NUDC: variants seen among roughly 807,000 people sequenced by gnomAD.
NUDC encodes nuclear migration protein nudC.
NUDC carries 14 observed loss-of-function variants against 45.0 expected under a neutral mutation model. The observed-to-expected ratio is 0.31, with a 90% CI of 0.21 to 0.49. NUDC has a LOEUF of 0.49. Ranked by LOEUF, NUDC falls within the 20% of genes least tolerant of loss-of-function variation. The probability of loss-of-function intolerance (pLI) is 0.99; values close to 1 mark genes in which losing one functional copy is unlikely to be tolerated. For missense variants in NUDC, 323 were observed against 426.2 expected, an observed-to-expected ratio of 0.76 and a Z score of 2.13; for synonymous variants, 153 against 156.7, an observed-to-expected ratio of 0.98 and a Z score of 0.17.
chr1:26,907,241 C>T (rs900232569), intron 2 of NUDC, among the ~76,000 whole-genome samples: 2 of 152,300 alleles, frequency 1.3e-5, no homozygotes, highest in East Asian at 3.9e-4. Flanking sequence ...TTCTCTTTAG[C>T]TCAAACCAGT....
chr1:26,905,175 T>G (rs1275233256), intron 2 of NUDC, among the ~76,000 whole-genome samples: 3 of 141,966 alleles, frequency 2.1e-5, no homozygotes, highest in Non-Finnish European at 4.6e-5. Context: ...TTTTTTTTTT[T>G]TTTGAGACAG....
chr1:26,920,121 A>G (rs1384789268), upstream of NUDC, among the ~76,000 whole-genome samples: 1 of 152,196 alleles, frequency 6.6e-6, no homozygotes, highest in Non-Finnish European at 1.5e-5. Context: ...GCACCTGAGA[A>G]GTTGAGTAAG....
At chr1:26,911,593 C>G in intron 3 of NUDC, 1 of 529,760 alleles carries the variant, frequency 1.9e-6, no homozygotes, top group South Asian at 2.0e-5. Flanking sequence ...ATTCTCATCC[C>G]AAGAAGGGAC....
At chr1:26,911,210 T>C (rs1312134827) in exon 3 of NUDC, 5 of 468,004 alleles carry the variant, frequency 1.1e-5, no homozygotes, top group Non-Finnish European at 1.3e-5. Flanking sequence ...TGCTTCCTGA[T>C]TGGCTGTGAT....
Position 26,942,661 on chromosome 1 carries a change from A to T in NUDC, c.431A>T (p.Asp144Val). The change falls in exon 5 of 9, where the codon GAT (aspartate) becomes GTT (valine). Residue 144 changes from aspartate (D) to valine (V), a missense_variant and splice_region_variant. Asp to Val is a radical substitution (Grantham distance 152). Coordinates refer to ENST00000321265, the MANE Select transcript of NUDC (RefSeq NM_006600.4). ...NGSLDSPGKQ[D>V]TEEDEEEDEK... ...CTGAGTGTCCCTGATTGTAAGCAGG[A>T]TACTGAGGAAGATGAGGAGGAAGAT... 6.2e-7 allele frequency: 1 copy of T among 1,614,132 alleles called. No individual in the cohort carries two copies. Among genetic ancestry groups the T allele is most frequent in the Non-Finnish European group, 8.5e-7 (1 of 1,180,014 alleles).
In NUDC at chr1:26,924,314, T is replaced by C. The variant is rs572690187; in HGVS notation, c.159+148T>C. 6.9e-6 allele frequency: 5 copies of C among 725,596 alleles called. No individual in the cohort carries two copies. In the Admixed American group the frequency reaches 1.0e-4, roughly 15 times the overall value. 44.9% of individuals were successfully genotyped at this position (725,596 alleles called of 1,614,324 possible). On this transcript the variant is annotated intron_variant, in intron 2 of 8. Coordinates refer to ENST00000321265, the MANE Select transcript of NUDC (RefSeq NM_006600.4). ...GGGAAGGGAAGGAAGCTGTCATTTCTTCAAGCTCCACTCCTTGCTCAGCCC... is the reference window on the plus strand; with the variant it reads ...GGGAAGGGAAGGAAGCTGTCATTTCCTCAAGCTCCACTCCTTGCTCAGCCC...
chr1:26,906,215 G>A (rs563498145), intron 2 of NUDC, among the ~76,000 whole-genome samples: 7 of 151,654 alleles, frequency 4.6e-5, no homozygotes, highest in Admixed American at 4.6e-4. Context: ...GGAGGTGGAG[G>A]TTGCGGTGAG....
chr1:26,927,750 G>A (rs946276630), intron 2 of NUDC, among the ~76,000 whole-genome samples: 2 of 151,912 alleles, frequency 1.3e-5, no homozygotes, highest in African/African-American at 2.4e-5. Flanking sequence ...AGGATGTTAC[G>A]AGGATTTAAA....
chr1:26,934,118 A>T (rs946181030), intron 2 of NUDC, among the ~76,000 whole-genome samples: 2 of 152,128 alleles, frequency 1.3e-5, no homozygotes, highest in Non-Finnish European at 2.9e-5. Flanking sequence ...GTGCTATGGC[A>T]CTCCAGCCTG....
At chr1:26,918,027 T>C (rs1430278317), upstream of NUDC, among the ~76,000 whole-genome samples, 1 of 152,136 alleles carries the variant, frequency 6.6e-6, no homozygotes, top group East Asian at 1.9e-4. Context: ...TTTCTATAAT[T>C]ATACATACTA....
At position 26,946,835 on chromosome 1, in the gene NUDC, G is replaced by C. The variant is rs2082320638; in HGVS notation, c.*654G>C. On this transcript the variant is annotated 3_prime_UTR_variant, in exon 9 of 9. Coordinates refer to ENST00000321265, the MANE Select transcript of NUDC (RefSeq NM_006600.4). ...CTACTTCACTCCAGCATGGGTGACAGAGACTCCATCTCAAAAAAATAAATA... is the reference window on the plus strand; with the variant it reads ...CTACTTCACTCCAGCATGGGTGACACAGACTCCATCTCAAAAAAATAAATA... The C allele has an allele frequency of 6.4e-6, 1 of 155,818 alleles. No individual in the cohort carries two copies. The highest frequency in any genetic ancestry group is 1.9e-4 in the East Asian group (1 of 5,232). The allele number at this position is 155,818 out of a possible 1,614,324, so 9.7% of individuals were successfully genotyped here. A position where few individuals can be genotyped will look rare whatever the true frequency, so the allele number is the denominator to read the frequency against.
At chr1:26,902,103 A>G (rs2081982053) in intron 1 of NUDC, among the ~76,000 whole-genome samples, 3 of 152,192 alleles carry the variant, frequency 2.0e-5, no homozygotes, top group Admixed American at 2.0e-4. Context: ...GCATATTGCA[A>G]AAAAACATCC....
At position 26,921,838 on chromosome 1, in the gene NUDC, G is replaced by T; in HGVS notation, c.-11G>T. 3 of 1,551,026 alleles carry T rather than the reference G, an allele frequency of 1.9e-6. No homozygotes were observed. Among genetic ancestry groups the T allele is most frequent in the South Asian group, 2.4e-5 (2 of 84,056 alleles). ...GTGCAGAGCTCCGGGACGTGGATCG[G>T]AGCCGGCGCGATGGGCGGAGAGCAG... On this transcript the variant is annotated 5_prime_UTR_variant, in exon 1 of 9. Coordinates refer to ENST00000321265, the MANE Select transcript of NUDC (RefSeq NM_006600.4).
intron 2 of NUDC, among the ~76,000 whole-genome samples, chr1:26,937,644 T>C (rs1439381439): frequency 6.6e-6 from 1 of 151,996 alleles, no homozygotes; most frequent in East Asian, 1.9e-4. Flanking sequence ...TATTTATTTT[T>C]ATTTCTATTT....
chr1:26,941,414 T>C, intron 2 of NUDC, 43 bp from the exon 3 acceptor site: 6 of 1,599,438 alleles, frequency 3.8e-6, no homozygotes, highest in Non-Finnish European at 5.1e-6. Context: ...TGTGGGACAC[T>C]GTCCCCTGCT....
chr1:26,929,590 T>C (rs2124108906), intron 2 of NUDC: 1 of 220,422 alleles, frequency 4.5e-6, no homozygotes, highest in South Asian at 5.1e-5. Context: ...CGGAAATTAG[T>C]GTTGGGGAGT....
At chr1:26,911,296 G>C in intron 3 of NUDC, 8 of 399,970 alleles carry the variant, frequency 2.0e-5, no homozygotes, top group South Asian at 1.5e-4. Flanking sequence ...GTTTGGGAAT[G>C]GGAGAGCAAC....
At chr1:26,945,828 C>A in intron 8 of NUDC, 142 bp downstream of exon 8, 1 of 783,568 alleles carries the variant, frequency 1.3e-6, no homozygotes, top group Non-Finnish European at 2.3e-6. Flanking sequence ...ATGGCTTTGG[C>A]TTGCCTACTC....
intron 1 of NUDC, among the ~76,000 whole-genome samples, chr1:26,901,563 C>T (rs1423207764): frequency 6.6e-6 from 1 of 151,918 alleles, no homozygotes; most frequent in African/African-American, 2.4e-5. Flanking sequence ...TGCCACCACG[C>T]CCGGCTAATT....
Sources: allele counts gnomAD v4.1 joint callset (sites outside exome capture counted in the v4.1 genomes callset), GRCh38; gene constraint gnomAD v4.1.1; transcripts MANE v1.5; gene names NCBI Gene and HGNC (gene_info 2026-07-23, HGNC 2026-07-21).